The following CENPV variants were observed in gnomAD, a reference collection of about 807,000 sequenced individuals.
CENPV encodes the protein centromere protein V, also known as nuclear protein p30.
Under a neutral mutation model 26.4 loss-of-function variants are expected in CENPV, and 15 were observed. The ratio of observed to expected loss-of-function variants is 0.57; its 90% CI spans 0.38 to 0.88. The LOEUF (loss-of-function observed/expected upper bound fraction) is 0.88. Ranked by LOEUF, CENPV falls within the 40% of genes least tolerant of loss-of-function variation. The pLI is 0.00. For synonymous variants in CENPV, 172 were observed against 165.5 expected, an observed-to-expected ratio of 1.04 and a Z score of -0.30; for missense variants, 336 against 376.5, an observed-to-expected ratio of 0.89 and a Z score of 0.89.
chr17:16,353,187 C>A lies in CENPV; in HGVS notation c.250G>T (p.Ala84Ser). 1 of 1,386,210 alleles carries A rather than the reference C, an allele frequency of 7.2e-7. No homozygotes were observed. Among genetic ancestry groups the A allele is most frequent in the Non-Finnish European group, 9.3e-7 (1 of 1,075,262 alleles). The allele number at this position is 1,386,210 out of a possible 1,614,324, so 85.9% of individuals were successfully genotyped here. A position where few individuals can be genotyped will look rare whatever the true frequency, so the allele number is the denominator to read the frequency against. Residue 84 changes from alanine (A) to serine (S), a missense_variant, in exon 1 of 5, where the codon GCG becomes TCG. Around this residue, in one of 2 missense-constraint regions of CENPV, gnomAD observed 181 missense variants for 148.8 expected, o/e 1.22. Transcript: ENST00000299736. ...GGCGGCGGCGGTGGCGGGAGCAACG[C>A]CAGCTCAGGCGGCGGCGGCTCCCCC... Reference protein sequence around the residue: ...GPGEPPPPELALLPPPPPPPP... With the variant: ...GPGEPPPPELSLLPPPPPPPP...
intron 2 of CENPV, chr17:16,349,625 C>A: frequency 8.9e-7 from 1 of 1,120,732 alleles, no homozygotes; most frequent in Non-Finnish European, 1.1e-6. Flanking sequence ...CCCAGCCAGG[C>A]ACACCTGCAG....
intron 4 of CENPV, among the ~76,000 whole-genome samples, 164 bp from the exon 5 acceptor site, chr17:16,343,105 C>T (rs972419603): frequency 6.6e-6 from 1 of 152,206 alleles, no homozygotes; most frequent in African/African-American, 2.4e-5. Flanking sequence ...GACCCACAGG[C>T]TGCCAGCTGG....
intron 1 of CENPV, chr17:16,350,808 CAAT>C (rs1283796129): frequency 6.6e-6 from 1 of 152,186 alleles, no homozygotes; most frequent in Admixed American, 6.6e-5. Flanking sequence ...ACTGTGTACT[CAAT>C]CAAGTCCAGA....
In CENPV at chr17:16,353,337, G is replaced by A; in HGVS notation, c.100C>T (p.Pro34Ser). The change falls in exon 1 of 5, where the codon CCC becomes TCC. Residue 34 changes from proline to serine, a missense_variant. Physicochemically the swap from Pro to Ser is moderately conservative, Grantham distance 74 (BLOSUM62 -1). Coordinates refer to ENST00000299736, the MANE Select transcript of CENPV (RefSeq NM_181716.3). ...PAASAAAALA[P>S]SATRTRRSAS... ...GAGCGCCGTGTGCGGGTGGCGCTGG[G>A]TGCCAAGGCAGCGGCCGCGGAGGCC... 1.5e-6 allele frequency: 2 copies of A among 1,342,650 alleles called. No homozygotes were observed. Among genetic ancestry groups the A allele is most frequent in the South Asian group, 3.6e-5 (2 of 56,250 alleles). 83.2% of individuals were successfully genotyped at this position (1,342,650 alleles called of 1,614,324 possible).
chr17:16,352,516 C>T (rs763368054), intron 1 of CENPV, among the ~76,000 whole-genome samples: 1 of 152,168 alleles, frequency 6.6e-6, no homozygotes, highest in African/African-American at 2.4e-5. Context: ...GTGCCTGGAA[C>T]AATGACGGGA....
rs1366638656 is a variant in CENPV, at chr17:16,344,766, AT to A, written c.580-56del. The A allele has an allele frequency of 1.9e-4, 157 of 845,214 alleles. 2 individuals are homozygous for A. The highest frequency in any genetic ancestry group is 7.3e-4 in the Middle Eastern group (2 of 2,756). The allele number at this position is 845,214 out of a possible 1,614,324, so 52.4% of individuals were successfully genotyped here. On this transcript the variant is annotated intron_variant, in intron 3 of 4. Transcript: ENST00000299736. ...TTTTACAAAGAGATTTATTTATTTA[AT>A]TTATTTATTTATTTATTTATTGAGA...
chr17:16,345,381 C>A (rs945142422), intron 3 of CENPV, among the ~76,000 whole-genome samples: 14 of 147,414 alleles, frequency 9.5e-5, no homozygotes, highest in Non-Finnish European at 2.9e-5. Context: ...CCAACCTGGG[C>A]AACATGGCAA....
At position 16,349,407 on chromosome 17, in the gene CENPV, G is replaced by A. The variant is rs574991453; in HGVS notation, c.509+524C>T. The A allele has an allele frequency of 7.1e-6, 7 of 986,106 alleles. No individual in the cohort carries two copies. In the South Asian group the frequency reaches 2.8e-4, roughly 40 times the overall value. 61.1% of individuals were successfully genotyped at this position (986,106 alleles called of 1,614,324 possible). The stretch of plus-strand genomic sequence containing the variant: ...ACTTTGGGTCCCAAAGCCAGAGCCT[G>A]TCGTCCCTGCTCCATCATAACGCCG... On this transcript the variant is annotated intron_variant, in intron 2 of 4. Coordinates refer to ENST00000299736, the MANE Select transcript of CENPV (RefSeq NM_181716.3).
chr17:16,350,241 C>T (rs1003084300), intron 1 of CENPV, among the ~76,000 whole-genome samples: 1 of 152,118 alleles, frequency 6.6e-6, no homozygotes, highest in African/African-American at 2.4e-5. Flanking sequence ...TCACCAATTT[C>T]TTAAATTATA....
rs2093234687 is a variant in CENPV, at chr17:16,353,149, G to A, written c.288C>T (p.Pro96=). Residue 96 remains proline (P), a synonymous_variant, in exon 1 of 5, where the codon CCC becomes CCT. Coordinates refer to ENST00000299736, the MANE Select transcript of CENPV (RefSeq NM_181716.3). ...TGGACGCCGAGGACGTCGGGGTCGC[G>A]GGAGTCGGCGGCGGCGGCGGCGGTG... ...LPPPPPPPPT[P]ATPTSSASNL... 2 of 1,476,848 alleles carry A rather than the reference G, an allele frequency of 1.4e-6. No individual in the cohort carries two copies. The highest frequency in any genetic ancestry group is 1.3e-5 in the South Asian group (1 of 75,532). The allele number at this position is 1,476,848 out of a possible 1,614,324, so 91.5% of individuals were successfully genotyped here. A position where few individuals can be genotyped will look rare whatever the true frequency, so the allele number is the denominator to read the frequency against.
At chr17:16,348,499 C>A in intron 3 of CENPV, 117 bp downstream of exon 3, 1 of 1,544,810 alleles carries the variant, frequency 6.5e-7, no homozygotes, top group South Asian at 1.2e-5. Flanking sequence ...CGTGAGAGGC[C>A]CTGCTATGCT....
chr17:16,353,159 G>A lies in CENPV; in HGVS notation c.278C>T (p.Pro93Leu). Residue 93 changes from proline (P) to leucine (L), a missense_variant, in exon 1 of 5, where the codon CCG becomes CTG. Physicochemically the swap from Pro to Leu is moderately conservative, Grantham distance 98. Around this residue, in one of 2 missense-constraint regions of CENPV, gnomAD observed 181 missense variants for 148.8 expected, o/e 1.22. Coordinates refer to ENST00000299736, the MANE Select transcript of CENPV (RefSeq NM_181716.3). ...GGACGTCGGGGTCGCGGGAGTCGGC[G>A]GCGGCGGCGGCGGTGGCGGGAGCAA... ...LALLPPPPPPPPTPATPTSSA... is the reference protein window; with the variant it reads ...LALLPPPPPPLPTPATPTSSA... The A allele has an allele frequency of 2.1e-6, 3 of 1,449,980 alleles. No homozygotes were observed. The highest frequency in any genetic ancestry group is 2.7e-6 in the Non-Finnish European group (3 of 1,104,956). 89.8% of individuals were successfully genotyped at this position (1,449,980 alleles called of 1,614,324 possible). A position where few individuals can be genotyped will look rare whatever the true frequency, so the allele number is the denominator to read the frequency against.
intron 1 of CENPV, among the ~76,000 whole-genome samples, chr17:16,352,456 GC>G (rs2093232490): frequency 6.6e-6 from 1 of 151,760 alleles, no homozygotes. Context: ...CTCTTCGCGC[GC>G]GCTTCTCTCC....
chr17:16,352,933 G>A, intron 1 of CENPV, 94 bp downstream of exon 1: 1 of 1,386,956 alleles, frequency 7.2e-7, no homozygotes, highest in South Asian at 1.6e-5. Flanking sequence ...GAGCTGAAAG[G>A]CGCCCAAGGC....
chr17:16,347,233 G>A (rs1200745246), intron 3 of CENPV, among the ~76,000 whole-genome samples: 1 of 152,152 alleles, frequency 6.6e-6, no homozygotes, highest in Non-Finnish European at 1.5e-5. Flanking sequence ...AAATCAGACA[G>A]CTGAAGGGGA....
At chr17:16,352,119 T>C (rs533400403) in intron 1 of CENPV, among the ~76,000 whole-genome samples, 1 of 152,348 alleles carries the variant, frequency 6.6e-6, no homozygotes, top group South Asian at 2.1e-4. Context: ...AGGTTATTCT[T>C]GTCGGTTTTT....
intron 4 of CENPV, 139 bp from the exon 5 acceptor site, chr17:16,343,080 T>G (rs2093189372): frequency 2.0e-6 from 2 of 980,776 alleles, no homozygotes; most frequent in Admixed American, 4.7e-5. Context: ...CCACAGCTTA[T>G]GGCTTCAGTG....
At chr17:16,343,727 G>T (rs537692248) in intron 4 of CENPV, among the ~76,000 whole-genome samples, 6 of 152,244 alleles carry the variant, frequency 3.9e-5, no homozygotes, top group African/African-American at 1.4e-4. Context: ...CTGAAGCAAT[G>T]GGGGAGCGGT....
intron 3 of CENPV, among the ~76,000 whole-genome samples, chr17:16,345,876 T>C (rs1434038988): frequency 1.3e-5 from 2 of 152,198 alleles, no homozygotes; most frequent in African/African-American, 2.4e-5. Context: ...ATGGCTGTGC[T>C]TAATTTATCC....
Sources: gnomAD v4.1 joint callset for allele counts (sites outside exome capture counted in the v4.1 genomes callset) on GRCh38, gnomAD v4.1.1 for gene constraint, gnomAD v4.1.1 regional missense constraint, MANE v1.5 for transcripts, NCBI Gene and HGNC (gene_info 2026-07-23, HGNC 2026-07-21) for gene names.